GHR: variants seen among roughly 807,000 people sequenced by gnomAD.
The protein encoded by GHR is GH receptor.
GHR carries 35 observed loss-of-function variants against 67.1 expected under a neutral mutation model. The observed-to-expected ratio is 0.52, with a 90% CI of 0.40 to 0.69. GHR has a LOEUF of 0.69. Ranked by LOEUF, GHR falls within the 30% of genes least tolerant of loss-of-function variation. GHR has a pLI of 0.00. For synonymous variants in GHR, 272 were observed against 269.1 expected, an observed-to-expected ratio of 1.01 and a Z score of -0.10; for missense variants, 792 against 764.6, an observed-to-expected ratio of 1.04 and a Z score of -0.42.
intron 1 of GHR, among the ~76,000 whole-genome samples, chr5:42,490,611 ATTTGTTG>A (rs1244886725): frequency 1.3e-5 from 2 of 152,210 alleles, no homozygotes; most frequent in African/African-American, 4.8e-5. Context: ...CCTATGACAG[ATTTGTTG>A]CTTTAAAAAA....
chr5:42,620,714 C>T (rs914761779), intron 2 of GHR, among the ~76,000 whole-genome samples: 1 of 152,096 alleles, frequency 6.6e-6, no homozygotes, highest in Non-Finnish European at 1.5e-5. Flanking sequence ...AAGTTGATAA[C>T]GTGATGCAAC....
intron 3 of GHR, among the ~76,000 whole-genome samples, chr5:42,643,424 A>G (rs1298455736): frequency 6.6e-6 from 1 of 152,200 alleles, no homozygotes; most frequent in African/African-American, 2.4e-5. Context: ...ACTAATGACT[A>G]AAGGAATACA....
In GHR at chr5:42,424,580, C is replaced by CTGGGGT; in HGVS notation, c.-12+625_-12+626insTGGGGT. 6.5e-7 allele frequency: 1 copy of CTGGGGT among 1,534,820 alleles called. No homozygotes were observed. The highest frequency in any genetic ancestry group is 1.4e-5 in the African/African-American group (1 of 73,154). ...ACTGGGGTCAGTAGAGTGACAGCCACCAGTCCGCATGAACTGGGGTAAGTG... is the reference window on the plus strand; with the variant it reads ...ACTGGGGTCAGTAGAGTGACAGCCACTGGGGTCAGTCCGCATGAACTGGGGTAAGTG... On this transcript the variant is annotated intron_variant, in intron 1 of 9. Transcript: ENST00000230882. This position sits in a 1 kb window ranked among gnomAD's most constrained non-coding sequence, Gnocchi z 4.1.
intron 1 of GHR, chr5:42,514,227 A>G: frequency 2.0e-6 from 2 of 985,410 alleles, no homozygotes; most frequent in Non-Finnish European, 2.4e-6. Context: ...GCAAGTCCAC[A>G]GGCAAGATTT....
chr5:42,665,887 G>T (rs1258249942), intron 3 of GHR, among the ~76,000 whole-genome samples: 17 of 152,116 alleles, frequency 1.1e-4, no homozygotes. Flanking sequence ...AGCATGTGCA[G>T]GGGAACTGCC....
intron 3 of GHR, among the ~76,000 whole-genome samples, chr5:42,663,070 A>T (rs908868853): frequency 2.0e-5 from 3 of 152,242 alleles, no homozygotes; most frequent in Non-Finnish European, 4.4e-5. Flanking sequence ...TGAATAGACC[A>T]ATAACAGGCT....
chr5:42,509,728 T>A (rs929833179), intron 1 of GHR, among the ~76,000 whole-genome samples: 1 of 134,626 alleles, frequency 7.4e-6, no homozygotes, highest in African/African-American at 2.9e-5. Context: ...GCCTCAAACC[T>A]TTTTTTTTTT....
At chr5:42,549,038 C>A (rs1442777953) in intron 1 of GHR, among the ~76,000 whole-genome samples, 1 of 152,188 alleles carries the variant, frequency 6.6e-6, no homozygotes, top group Non-Finnish European at 1.5e-5. Flanking sequence ...AGAAGTGATA[C>A]CACAATTGCA....
At chr5:42,671,824 CG>C in intron 3 of GHR, among the ~76,000 whole-genome samples, 1 of 151,508 alleles carries the variant, frequency 6.6e-6, no homozygotes, top group Non-Finnish European at 1.5e-5. Context: ...GGCGTAGGGG[CG>C]GGCGCCTGTA....
chr5:42,608,455 T>C (rs1204125066), intron 2 of GHR, among the ~76,000 whole-genome samples: 1 of 152,108 alleles, frequency 6.6e-6, no homozygotes, highest in African/African-American at 2.4e-5. Flanking sequence ...TAGCATAGAA[T>C]GAAAGTATAG....
At chr5:42,430,771 A>T (rs1579684075) in intron 1 of GHR, among the ~76,000 whole-genome samples, 1 of 152,114 alleles carries the variant, frequency 6.6e-6, no homozygotes, top group South Asian at 2.1e-4. Context: ...CATTTCAAAC[A>T]TTCATTTCAC....
chr5:42,529,513 AG>A (rs1747863433), intron 1 of GHR, among the ~76,000 whole-genome samples: 1 of 152,194 alleles, frequency 6.6e-6, no homozygotes, highest in Non-Finnish European at 1.5e-5. Flanking sequence ...CAGAATTTGC[AG>A]GGTTGCTTTG....
At chr5:42,449,771 T>C (rs1743968344) in intron 1 of GHR, among the ~76,000 whole-genome samples, 1 of 152,216 alleles carries the variant, frequency 6.6e-6, no homozygotes, top group African/African-American at 2.4e-5. Flanking sequence ...GGGTTTCTCC[T>C]AGATGGTTTT....
At chr5:42,465,552 C>T (rs1215083609) in intron 1 of GHR, 5 of 1,444,852 alleles carry the variant, frequency 3.5e-6, no homozygotes, top group Non-Finnish European at 3.9e-6. Flanking sequence ...TCCTCAGTCA[C>T]ATTTGATTGA....
At chr5:42,541,623 A>G (rs1748522074) in intron 1 of GHR, among the ~76,000 whole-genome samples, 1 of 152,186 alleles carries the variant, frequency 6.6e-6, no homozygotes, top group Admixed American at 6.5e-5. Flanking sequence ...GTTGGGAATA[A>G]GGAGATTCAA....
chr5:42,657,530 A>C (rs1457395636), intron 3 of GHR, among the ~76,000 whole-genome samples: 1 of 152,130 alleles, frequency 6.6e-6, no homozygotes. Context: ...TTTATTCTTG[A>C]GAGTTGTCCA....
At chr5:42,639,939 A>G (rs537973657) in intron 3 of GHR, among the ~76,000 whole-genome samples, 1 of 152,280 alleles carries the variant, frequency 6.6e-6, no homozygotes, top group African/African-American at 2.4e-5. Flanking sequence ...CCTGAGAGCA[A>G]TTGAAGAAGG....
rs1414561801 is a variant in GHR, at chr5:42,719,019, C to A, written c.1512C>A (p.Gly504=). 1 of 1,606,184 alleles carries A rather than the reference C, an allele frequency of 6.2e-7. No individual in the cohort carries two copies. Among genetic ancestry groups the A allele is most frequent in the Non-Finnish European group, 8.5e-7 (1 of 1,175,148 alleles). ...TPAGSVVLSP[G]QKNKAGMSQC... ...CAGGTAGTGTGGTCCTTTCCCCGGG[C>A]CAAAAGAATAAGGCAGGGATGTCCC... Residue 504 remains glycine, a synonymous_variant, in exon 10 of 10, where the codon GGC becomes GGA. Transcript: ENST00000230882.
intron 2 of GHR, among the ~76,000 whole-genome samples, chr5:42,595,783 G>A (rs896665869): frequency 5.3e-4 from 81 of 152,306 alleles, no homozygotes; most frequent in African/African-American, 1.9e-3. Flanking sequence ...GGAGAGGCGG[G>A]GTGTTTTATG....
Sources: gnomAD v4.1 joint callset for allele counts (sites outside exome capture counted in the v4.1 genomes callset) on GRCh38, gnomAD v4.1.1 for gene constraint, Gnocchi (gnomAD v3.1) non-coding constraint, MANE v1.5 for transcripts, NCBI Gene and HGNC (gene_info 2026-07-23, HGNC 2026-07-21) for gene names.